KSR2: variants seen among roughly 807,000 people sequenced by gnomAD.
KSR2 encodes the protein kinase suppressor of ras 2.
A neutral mutation model predicts 107.8 loss-of-function variants in KSR2; 25 were observed. The observed-to-expected ratio is 0.23, with a 90% CI of 0.17 to 0.32. The LOEUF (loss-of-function observed/expected upper bound fraction) is 0.32. Ranked by LOEUF, KSR2 falls within the 10% of genes least tolerant of loss-of-function variation. The pLI, the probability that KSR2 is intolerant of heterozygous loss-of-function variation, is 1.00. For missense variants in KSR2, 887 were observed against 1,268.9 expected, an observed-to-expected ratio of 0.70 and a Z score of 4.57; for synonymous variants, 480 against 507.0, an observed-to-expected ratio of 0.95 and a Z score of 0.71.
intron 3 of KSR2, among the ~76,000 whole-genome samples, chr12:117,794,941 A>G (rs1458784665): frequency 1.3e-5 from 2 of 152,222 alleles, no homozygotes; most frequent in Non-Finnish European, 2.9e-5. Flanking sequence ...AGACAGCCTA[A>G]CTACAGTATC....
At chr12:117,518,138 A>G (rs899112375) in intron 14 of KSR2, among the ~76,000 whole-genome samples, 67 of 152,208 alleles carry the variant, frequency 4.4e-4, no homozygotes, top group African/African-American at 1.5e-3. Flanking sequence ...TAAGTGCTGG[A>G]TATTTCATGC....
intron 4 of KSR2, among the ~76,000 whole-genome samples, chr12:117,685,127 A>C (rs1885516327): frequency 6.6e-6 from 1 of 152,182 alleles, no homozygotes; most frequent in Non-Finnish European, 1.5e-5. Context: ...ACTGCACAGC[A>C]CAGCCCAGCC....
intron 4 of KSR2, among the ~76,000 whole-genome samples, chr12:117,716,294 A>C (rs779957055): frequency 2.0e-5 from 3 of 152,122 alleles, no homozygotes; most frequent in Non-Finnish European, 4.4e-5. Flanking sequence ...AACCCAGAAA[A>C]ATTTACTCTG....
At position 117,463,581 on chromosome 12, in the gene KSR2, G is replaced by T. The variant is rs2137099856; in HGVS notation, c.*3618C>A. 2 of 152,298 alleles carry T rather than the reference G, an allele frequency of 1.3e-5. 1 individual carries two copies. Among genetic ancestry groups the T allele is most frequent in the South Asian group, 4.2e-4 (2 of 4,818 alleles). 9.4% of individuals were successfully genotyped at this position (152,298 alleles called of 1,614,324 possible). On this transcript the variant is annotated 3_prime_UTR_variant, in exon 20 of 20. Coordinates refer to ENST00000339824, the MANE Select transcript of KSR2 (RefSeq NM_173598.6). ...ATTGACATGAAATTTGAATGTTATAGAATTTTCATGTCATGAAATATTATT... is the reference window on the plus strand; with the variant it reads ...ATTGACATGAAATTTGAATGTTATATAATTTTCATGTCATGAAATATTATT...
chr12:117,660,911 C>T (rs1015449310), intron 5 of KSR2, among the ~76,000 whole-genome samples: 1 of 152,160 alleles, frequency 6.6e-6, no homozygotes, highest in African/African-American at 2.4e-5. Context: ...CAGAGAAGCA[C>T]CAGGAAGGCT....
At chr12:117,795,076 C>A (rs1367506307) in intron 3 of KSR2, among the ~76,000 whole-genome samples, 2 of 152,182 alleles carry the variant, frequency 1.3e-5, no homozygotes. Context: ...ATGCTTCTTT[C>A]CTTTAGCAGA....
At position 117,933,298 on chromosome 12, in the gene KSR2, T is replaced by C. The variant is rs1895745364; in HGVS notation, c.180+34778A>G. Among the ~76,000 whole-genome samples, 4 of 152,164 alleles carry C rather than the reference T, an allele frequency of 2.6e-5. No individual in the cohort carries two copies. The South Asian group carries it at 8.3e-4, about 32-fold the overall frequency. ...TTCAAGCATACTTATACTAAAAATG[T>C]ATGCATTGTTGGCCAGCCGTGGTGG... is the stretch of plus-strand genomic sequence containing the variant. On this transcript the variant is annotated intron_variant, in intron 1 of 19. Coordinates refer to ENST00000339824, the MANE Select transcript of KSR2 (RefSeq NM_173598.6).
In KSR2 at chr12:117,575,821, C is replaced by T. The variant is rs563267998; in HGVS notation, c.1325+3298G>A. Among the ~76,000 whole-genome samples the T allele has an allele frequency of 1.3e-3, 196 of 152,328 alleles. 1 individual carries two copies. The highest frequency in any genetic ancestry group is 4.6e-3 in the African/African-American group (191 of 41,570). ...AAGAATGTTCTCTGATAAAACATTG[C>T]CATCTGGAGCATGGACATTTAATTG... On this transcript the variant is annotated intron_variant, in intron 7 of 19. Coordinates refer to ENST00000339824, the MANE Select transcript of KSR2 (RefSeq NM_173598.6).
chr12:117,803,669 T>C (rs535401679), intron 3 of KSR2, among the ~76,000 whole-genome samples: 11 of 152,084 alleles, frequency 7.2e-5, no homozygotes, highest in Middle Eastern at 3.2e-3. Context: ...CACCACTGCA[T>C]TCCAGCCTGG....
At chr12:117,946,803 G>C (rs1042602276) in intron 1 of KSR2, among the ~76,000 whole-genome samples, 1 of 152,104 alleles carries the variant, frequency 6.6e-6, no homozygotes, top group Non-Finnish European at 1.5e-5. Flanking sequence ...GGAATGCAAG[G>C]CTGGTTCAAA....
intron 3 of KSR2, among the ~76,000 whole-genome samples, chr12:117,825,056 C>A (rs1593273271): frequency 1.3e-5 from 2 of 152,046 alleles, no homozygotes; most frequent in East Asian, 1.9e-4. Flanking sequence ...GTGGCACACA[C>A]CTGTAGTCCC....
At chr12:117,736,375 G>A (rs473541) in intron 4 of KSR2, among the ~76,000 whole-genome samples, 29,744 of 151,932 alleles carry the variant, frequency 0.2, 3,587 homozygotes, top group South Asian at 0.29. Flanking sequence ...TCCTCTTCTG[G>A]CAAGAGCCTG....
rs140748549 is a variant in KSR2 at position 117,692,999 on chromosome 12, A to T, written c.987-25341T>A. Among the ~76,000 whole-genome samples the T allele has an allele frequency of 1.0e-3, 159 of 152,334 alleles. 2 individuals are homozygous for T. The East Asian group carries it at 0.028, about 26-fold the overall frequency. ...GAGGTGGTGGTTGTGCAACACTGTG[A>T]CTGTACCAAAGGCCACTGAATTGTT... On this transcript the variant is annotated intron_variant, in intron 4 of 19. Transcript: ENST00000339824.
intron 6 of KSR2, 131 bp downstream of exon 6, chr12:117,582,152 CAGAGGAG>C (rs368984349): frequency 1.8e-4 from 116 of 658,006 alleles, no homozygotes; most frequent in African/African-American, 1.5e-3. Context: ...TTTAGCCGAG[CAGAGGAG>C]AAAGGGACAT....
chr12:117,505,294 G>A (rs531561589), intron 14 of KSR2, among the ~76,000 whole-genome samples: 2 of 152,284 alleles, frequency 1.3e-5, no homozygotes, highest in South Asian at 4.1e-4. Context: ...GAAGGTGGGT[G>A]GGAATAGCTG....
At chr12:117,598,056 G>T (rs530377867) in intron 5 of KSR2, among the ~76,000 whole-genome samples, 17 of 152,196 alleles carry the variant, frequency 1.1e-4, no homozygotes, top group Middle Eastern at 3.4e-3. Flanking sequence ...TTCTTTAATG[G>T]TGATTTCTAG....
At chr12:117,852,267 C>CA (rs200042235) in intron 3 of KSR2, among the ~76,000 whole-genome samples, 52,620 of 145,928 alleles carry the variant, frequency 0.36, 9,877 homozygotes, top group Admixed American at 0.5. Flanking sequence ...TACTAAAATA[C>CA]AAAAAAAAAA....
intron 5 of KSR2, among the ~76,000 whole-genome samples, chr12:117,620,803 A>G (rs1019727662): frequency 6.6e-6 from 1 of 152,174 alleles, no homozygotes; most frequent in Non-Finnish European, 1.5e-5. Flanking sequence ...ATTCCTAGTT[A>G]TCATGACTTA....
chr12:117,630,974 G>C lies in KSR2; in HGVS notation c.1171+36500C>G, dbSNP rs557377816. On this transcript the variant is annotated intron_variant, in intron 5 of 19. Coordinates refer to ENST00000339824, the MANE Select transcript of KSR2 (RefSeq NM_173598.6). ...AATGAGCTCTGTGAGAAGTAAAAATGCTCCCCAGGCTGACAAGAGACGGGC... is the reference window on the plus strand; with the variant it reads ...AATGAGCTCTGTGAGAAGTAAAAATCCTCCCCAGGCTGACAAGAGACGGGC... Among the ~76,000 whole-genome samples the C allele has an allele frequency of 7.2e-5, 11 of 152,216 alleles. No individual in the cohort carries two copies. In the East Asian group the frequency reaches 1.4e-3, roughly 19 times the overall value.
Sources: allele counts gnomAD v4.1 joint callset (sites outside exome capture counted in the v4.1 genomes callset), GRCh38; gene constraint gnomAD v4.1.1; transcripts MANE v1.5; gene names NCBI Gene and HGNC (gene_info 2026-07-23, HGNC 2026-07-21).